CCDC178: variants seen among roughly 807,000 people sequenced by gnomAD.
CCDC178 encodes the protein coiled-coil domain containing 178.
A neutral mutation model predicts 117.4 loss-of-function variants in CCDC178; 126 were observed. The observed-to-expected ratio is 1.07, with a 90% CI of 0.93 to 1.24. The LOEUF is 1.24. CCDC178 is among the 50% of genes most tolerant of loss of function. The pLI, the probability that CCDC178 is intolerant of heterozygous loss-of-function variation, is 0.00. For synonymous variants in CCDC178, 283 were observed against 313.4 expected (o/e 0.90, Z 1.02); for missense variants, 1,030 against 986.9 (o/e 1.04, Z -0.59).
intron 11 of CCDC178, among the ~76,000 whole-genome samples, chr18:33,315,034 A>C (rs1480864137): frequency 1.3e-5 from 2 of 152,124 alleles, no homozygotes; most frequent in African/African-American, 4.8e-5. Flanking sequence ...CCTGAGGAAT[A>C]AAAGGCAATT....
chr18:33,294,134 C>T (rs1456377808), intron 11 of CCDC178, among the ~76,000 whole-genome samples: 2 of 152,104 alleles, frequency 1.3e-5, no homozygotes, highest in South Asian at 2.1e-4. Flanking sequence ...ATGACCCTCC[C>T]AAGAGGACCA....
At chr18:33,070,696 T>C (rs568135060) in intron 21 of CCDC178, among the ~76,000 whole-genome samples, 24 of 152,068 alleles carry the variant, frequency 1.6e-4, no homozygotes, top group African/African-American at 5.8e-4. Flanking sequence ...AAATAACAAA[T>C]GTTTGAGGTG....
intron 11 of CCDC178, among the ~76,000 whole-genome samples, chr18:33,319,570 C>G (rs1271639730): frequency 6.6e-6 from 1 of 152,096 alleles, no homozygotes; most frequent in African/African-American, 2.4e-5. Context: ...AATGGGATGG[C>G]TGGGTCAAAT....
At chr18:33,146,277 A>C (rs1030424099) in intron 20 of CCDC178, among the ~76,000 whole-genome samples, 4 of 152,246 alleles carry the variant, frequency 2.6e-5, no homozygotes, top group Admixed American at 2.6e-4. Context: ...AGAATACCTC[A>C]GTCTGAAAGC....
intron 21 of CCDC178, among the ~76,000 whole-genome samples, chr18:33,041,871 G>A (rs2056556454): frequency 6.6e-6 from 1 of 151,776 alleles, no homozygotes; most frequent in South Asian, 2.1e-4. Context: ...AAGAAAAAAG[G>A]CTATAATATT....
chr18:33,031,278 C>T (rs1046117896), intron 21 of CCDC178, among the ~76,000 whole-genome samples: 1 of 149,846 alleles, frequency 6.7e-6, no homozygotes, highest in Non-Finnish European at 1.5e-5. Flanking sequence ...CTATGTTGCT[C>T]AGGCTGTAGT....
chr18:33,059,647 T>C (rs1011098583), intron 21 of CCDC178, among the ~76,000 whole-genome samples: 2 of 152,176 alleles, frequency 1.3e-5, no homozygotes, highest in Non-Finnish European at 2.9e-5. Context: ...TTCCAATTTG[T>C]GCCCTTCACT....
chr18:33,011,308 CTTAAG>C (rs2055858232), intron 21 of CCDC178, among the ~76,000 whole-genome samples: 2 of 152,114 alleles, frequency 1.3e-5, no homozygotes, highest in African/African-American at 2.4e-5. Context: ...AAGTCTTTTT[CTTAAG>C]TTATTTTCAA....
At chr18:33,337,866 A>G (rs1384990356) in intron 9 of CCDC178, among the ~76,000 whole-genome samples, 1 of 152,220 alleles carries the variant, frequency 6.6e-6, no homozygotes, top group Non-Finnish European at 1.5e-5. Flanking sequence ...CTTCATGACC[A>G]GGAACCCAAA....
Position 33,307,424 on chromosome 18 carries a change from A to G in CCDC178, c.1023-14112T>C, listed in dbSNP as rs181482865. 2.0e-5 allele frequency among the ~76,000 whole-genome samples: 3 copies of G among 152,316 alleles called. No homozygotes were observed. The East Asian group carries it at 5.8e-4, about 29-fold the overall frequency. ...GCCATAGAGATCTGTGGAACTTTGA[A>G]CTTGAGAGAGATGATTTAAGGTATC... On this transcript the variant is annotated intron_variant, in intron 11 of 22. Transcript: ENST00000383096.
chr18:33,396,731 GA>G (rs2063642002), intron 4 of CCDC178, among the ~76,000 whole-genome samples: 1 of 152,002 alleles, frequency 6.6e-6, no homozygotes. Flanking sequence ...AAATTAAAAA[GA>G]AAAGGAAATT....
At chr18:33,342,052 C>T (rs2062824030) in intron 9 of CCDC178, among the ~76,000 whole-genome samples, 1 of 152,102 alleles carries the variant, frequency 6.6e-6, no homozygotes, top group Admixed American at 6.5e-5. Context: ...GATAACTGAT[C>T]TAGAACCAGT....
chr18:32,948,422 C>T (rs2054403700), intron 22 of CCDC178, among the ~76,000 whole-genome samples: 1 of 152,018 alleles, frequency 6.6e-6, no homozygotes, highest in South Asian at 2.1e-4. Flanking sequence ...TAAATTACTT[C>T]ACATTTTTGA....
intron 2 of CCDC178, among the ~76,000 whole-genome samples, chr18:33,430,537 C>T (rs998895921): frequency 2.0e-5 from 3 of 152,098 alleles, no homozygotes; most frequent in African/African-American, 7.2e-5. Flanking sequence ...CCTCTCCAGC[C>T]CTTTTCCTTT....
intron 3 of CCDC178, among the ~76,000 whole-genome samples, chr18:33,407,466 A>C (rs1290891277): frequency 1.3e-5 from 2 of 152,104 alleles, no homozygotes; most frequent in Non-Finnish European, 2.9e-5. Context: ...CAAAATAACA[A>C]CAAAAACCTA....
chr18:33,300,298 T>A (rs1410467933), intron 11 of CCDC178, among the ~76,000 whole-genome samples: 1 of 152,198 alleles, frequency 6.6e-6, no homozygotes, highest in African/African-American at 2.4e-5. Flanking sequence ...TAAGCCTTTT[T>A]ATTTACAAAT....
chr18:33,079,921 C>T (rs1029752037), intron 21 of CCDC178, among the ~76,000 whole-genome samples: 1 of 152,202 alleles, frequency 6.6e-6, no homozygotes, highest in Admixed American at 6.5e-5. Flanking sequence ...AATTCCATTA[C>T]TTGGTATGTA....
chr18:33,389,517 T>C (rs2063538580), intron 5 of CCDC178, 23 bp downstream of exon 5: 1 of 1,199,774 alleles, frequency 8.3e-7, no homozygotes, highest in African/African-American at 1.6e-5. Flanking sequence ...TAGTTTACTA[T>C]ATGATTTACA....
intron 22 of CCDC178, among the ~76,000 whole-genome samples, chr18:32,964,489 A>G (rs934071152): frequency 1.3e-5 from 2 of 151,946 alleles, no homozygotes; most frequent in Admixed American, 6.6e-5. Context: ...GAATGTTTCC[A>G]CGATTAATTA....
Sources: gnomAD v4.1 joint callset for allele counts (sites outside exome capture counted in the v4.1 genomes callset) on GRCh38, gnomAD v4.1.1 for gene constraint, MANE v1.5 for transcripts, NCBI Gene and HGNC (gene_info 2026-07-23, HGNC 2026-07-21) for gene names.